LARP1B: variants seen among roughly 807,000 people sequenced by gnomAD.
LARP1B encodes the protein La ribonucleoprotein 1B.
LARP1B carries 76 observed loss-of-function variants against 114.2 expected under a neutral mutation model. The ratio of observed to expected loss-of-function variants is 0.67; its 90% CI spans 0.55 to 0.81. The LOEUF (loss-of-function observed/expected upper bound fraction) is 0.81. LARP1B is among the 30% of genes least tolerant of loss of function. The probability of loss-of-function intolerance (pLI) is 0.00; values close to 1 mark genes in which losing one functional copy is unlikely to be tolerated. For missense variants in LARP1B, 1,014 were observed against 1,075.8 expected (o/e 0.94, Z 0.80); for synonymous variants, 345 against 348.0 (o/e 0.99, Z 0.10).
intron 1 of LARP1B, among the ~76,000 whole-genome samples, chr4:128,070,479 G>GGT (rs1238752412): frequency 2.6e-5 from 4 of 151,572 alleles, no homozygotes; most frequent in African/African-American, 7.3e-5. Context: ...TGGCCAACAT[G>GGT]GTGAAACCCT....
At chr4:128,101,772 C>T (rs1277376579) in intron 8 of LARP1B, among the ~76,000 whole-genome samples, 1 of 151,966 alleles carries the variant, frequency 6.6e-6, no homozygotes, top group Non-Finnish European at 1.5e-5. Flanking sequence ...GAGCTACCGC[C>T]GCCGGCATTA....
intron 10 of LARP1B, among the ~76,000 whole-genome samples, chr4:128,118,993 G>C (rs1220107249): frequency 2.6e-5 from 4 of 151,294 alleles, no homozygotes; most frequent in African/African-American, 9.7e-5. Context: ...CAATTCTTCT[G>C]CCTCAGCCTC....
At chr4:128,088,334 A>C (rs1774507099) in intron 5 of LARP1B, among the ~76,000 whole-genome samples, 1 of 152,146 alleles carries the variant, frequency 6.6e-6, no homozygotes. Flanking sequence ...GCTTAAGTGC[A>C]TTGGTTTCTT....
At chr4:128,122,604 T>C (rs1788380325) in intron 11 of LARP1B, 43 of 1,487,192 alleles carry the variant, frequency 2.9e-5, no homozygotes, top group East Asian at 7.4e-5. Context: ...CCAGTGGCTT[T>C]AGAGAGCACT....
intron 1 of LARP1B, among the ~76,000 whole-genome samples, chr4:128,073,394 C>T (rs1429787043): frequency 1.9e-5 from 2 of 103,618 alleles, no homozygotes; most frequent in African/African-American, 3.8e-5. Context: ...CCAGCCTGGG[C>T]GACAGAGTGA....
At chr4:128,074,183 A>C (rs946472698) in intron 1 of LARP1B, among the ~76,000 whole-genome samples, 3 of 147,650 alleles carry the variant, frequency 2.0e-5, no homozygotes, top group African/African-American at 7.5e-5. Flanking sequence ...CAGGTGATCC[A>C]CCCACCTCGG....
intron 11 of LARP1B, among the ~76,000 whole-genome samples, chr4:128,129,496 A>G (rs1335350769): frequency 6.6e-6 from 1 of 152,182 alleles, no homozygotes; most frequent in Non-Finnish European, 1.5e-5. Context: ...ATTGAGATGC[A>G]TTTAGTATAC....
At position 128,210,401 on chromosome 4, in the gene LARP1B, A is replaced by C. The variant is rs1018330758; in HGVS notation, c.*348A>C. On this transcript the variant is annotated 3_prime_UTR_variant, in exon 20 of 20. Coordinates refer to ENST00000326639, the MANE Select transcript of LARP1B (RefSeq NM_018078.4). ...CTTAAATATATTTAAAAAACAATAC[A>C]AGGAATGCCTAACATTTCAGCTCAT... 3.8e-6 allele frequency: 4 copies of C among 1,060,534 alleles called. No homozygotes were observed. Among genetic ancestry groups the C allele is most frequent in the Non-Finnish European group, 4.6e-6 (4 of 875,298 alleles). The allele number at this position is 1,060,534 out of a possible 1,614,324, so 65.7% of individuals were successfully genotyped here.
downstream of LARP1B, among the ~76,000 whole-genome samples, chr4:128,212,178 G>A (rs2150976570): frequency 6.6e-6 from 1 of 151,984 alleles, no homozygotes; most frequent in East Asian, 1.9e-4. Context: ...CTCCTAAAGT[G>A]CTTGAATTAC....
chr4:128,072,034 C>G (rs1579797117), intron 1 of LARP1B, among the ~76,000 whole-genome samples: 1 of 150,922 alleles, frequency 6.6e-6, no homozygotes, highest in African/African-American at 2.4e-5. Context: ...GAGTCTCGCT[C>G]TGTTCCTCAG....
intron 8 of LARP1B, among the ~76,000 whole-genome samples, chr4:128,099,476 AG>A (rs1355757223): frequency 6.6e-6 from 1 of 151,876 alleles, no homozygotes; most frequent in Non-Finnish European, 1.5e-5. Flanking sequence ...TAGTAGAGAC[AG>A]GGTTTCCCAA....
intron 12 of LARP1B, among the ~76,000 whole-genome samples, chr4:128,168,165 C>G (rs1028053061): frequency 2.0e-5 from 3 of 151,960 alleles, no homozygotes; most frequent in African/African-American, 7.2e-5. Context: ...GTAAGTATAA[C>G]TTTTTAAGAA....
intron 9 of LARP1B, among the ~76,000 whole-genome samples, chr4:128,110,469 C>T (rs1000082977): frequency 1.0e-4 from 15 of 149,446 alleles, no homozygotes; most frequent in African/African-American, 2.7e-4. Flanking sequence ...GTCAGGAGAT[C>T]GAGACCATCC....
At chr4:128,086,864 G>A (rs1210947504) in intron 5 of LARP1B, among the ~76,000 whole-genome samples, 3 of 151,742 alleles carry the variant, frequency 2.0e-5, no homozygotes, top group Non-Finnish European at 2.9e-5. Flanking sequence ...GCAGTGGCGC[G>A]ATTTTGGCTC....
At chr4:128,134,786 G>C (rs1231311692) in intron 11 of LARP1B, among the ~76,000 whole-genome samples, 2 of 152,158 alleles carry the variant, frequency 1.3e-5, no homozygotes, top group Non-Finnish European at 2.9e-5. Context: ...GACTTGTGTA[G>C]ATAGTTCTCT....
rs556788738 is a variant in LARP1B at position 128,121,660 on chromosome 4, T to G, written c.1162-166T>G. ...TTTGTGTTTTTCTTTAGTCTTAAAT[T>G]TACTGGGCCAAAATAATACTCACTT... On this transcript the variant is annotated intron_variant, in intron 10 of 19. Coordinates refer to ENST00000326639, the MANE Select transcript of LARP1B (RefSeq NM_018078.4). 2.7e-3 allele frequency among the ~76,000 whole-genome samples: 404 copies of G among 152,380 alleles called. 3 individuals are homozygous for G. The highest frequency in any genetic ancestry group is 9.3e-3 in the African/African-American group (385 of 41,596).
chr4:128,062,005 G>C lies in LARP1B; in HGVS notation c.-78+604G>C, dbSNP rs988175066. 18 of 984,850 alleles carry C rather than the reference G, an allele frequency of 1.8e-5. No homozygotes were observed. In the African/African-American group the frequency reaches 3.0e-4, roughly 16 times the overall value. 61.0% of individuals were successfully genotyped at this position (984,850 alleles called of 1,614,324 possible). ...CCGGGGGCCCTTTCGGCGGGGAGCC[G>C]CCACCGCCACCGCCGCCGCCGTCGC... On this transcript the variant is annotated intron_variant, in intron 1 of 19. Coordinates refer to ENST00000326639, the MANE Select transcript of LARP1B (RefSeq NM_018078.4).
At chr4:128,129,623 A>G (rs1474267883) in intron 11 of LARP1B, among the ~76,000 whole-genome samples, 1 of 152,214 alleles carries the variant, frequency 6.6e-6, no homozygotes, top group Non-Finnish European at 1.5e-5. Context: ...CCTGACTTCA[A>G]GATTTACTGT....
At chr4:128,140,636 G>A (rs145507601) in intron 11 of LARP1B, among the ~76,000 whole-genome samples, 4 of 152,240 alleles carry the variant, frequency 2.6e-5, no homozygotes, top group East Asian at 1.9e-4. Context: ...TTACATGAAT[G>A]CGTTATAAGT....
Sources: allele counts gnomAD v4.1 joint callset (sites outside exome capture counted in the v4.1 genomes callset), GRCh38; gene constraint gnomAD v4.1.1; transcripts MANE v1.5; gene names NCBI Gene and HGNC (gene_info 2026-07-23, HGNC 2026-07-21).